Variants in MTA3 observed in about 807,000 individuals in gnomAD.
The protein encoded by MTA3 is metastasis-associated protein MTA3.
MTA3 carries 34 observed loss-of-function variants against 83.5 expected under a neutral mutation model. The ratio of observed to expected loss-of-function variants is 0.41; its 90% confidence interval spans 0.31 to 0.54. MTA3 has a LOEUF of 0.54. MTA3 is among the 20% of genes least tolerant of loss of function. The pLI is 0.33. For missense variants in MTA3, 761 were observed against 726.4 expected, an observed-to-expected ratio of 1.05 and a Z score of -0.55; for synonymous variants, 303 against 252.7, an observed-to-expected ratio of 1.20 and a Z score of -1.89.
chr2:42,723,479 A>G (rs1197532505), intron 16 of MTA3: 1 of 155,194 alleles, frequency 6.4e-6, no homozygotes, highest in Non-Finnish European at 1.4e-5. Flanking sequence ...AATGTTTTTA[A>G]TTGCTCAAGA....
chr2:42,525,623 C>CTTCCTTCCT (rs1553337698), intron 2 of MTA3, among the ~76,000 whole-genome samples: 3 of 138,752 alleles, frequency 2.2e-5, no homozygotes, highest in African/African-American at 8.1e-5. Flanking sequence ...TCCTTCCTTC[C>CTTCCTTCCT]TACTTTCTTT....
At chr2:42,555,769 A>G (rs1192233466) in intron 2 of MTA3, among the ~76,000 whole-genome samples, 1 of 151,460 alleles carries the variant, frequency 6.6e-6, no homozygotes, top group Non-Finnish European at 1.5e-5. Context: ...CTCCGTCTCA[A>G]AAAGAAAGAA....
chr2:42,726,873 A>C (rs1466237897), intron 16 of MTA3, among the ~76,000 whole-genome samples: 1 of 152,118 alleles, frequency 6.6e-6, no homozygotes, highest in Non-Finnish European at 1.5e-5. Context: ...AATCTAATAG[A>C]ATCTAAACTC....
At chr2:42,562,294 TG>T (rs1294712672) in intron 2 of MTA3, among the ~76,000 whole-genome samples, 1 of 152,120 alleles carries the variant, frequency 6.6e-6, no homozygotes, top group Non-Finnish European at 1.5e-5. Flanking sequence ...GCATGTCTTT[TG>T]GGGGGCCACC....
upstream of MTA3, among the ~76,000 whole-genome samples, chr2:42,564,637 T>C (rs1242817202): frequency 6.6e-6 from 1 of 152,182 alleles, no homozygotes; most frequent in Non-Finnish European, 1.5e-5. Context: ...AAATAAATCA[T>C]GGAAAACACG....
At chr2:42,544,968 C>T (rs550518850) in intron 2 of MTA3, among the ~76,000 whole-genome samples, 9 of 152,284 alleles carry the variant, frequency 5.9e-5, no homozygotes, top group Non-Finnish European at 1.3e-4. Flanking sequence ...CTTAAACAGC[C>T]CATTCTTTGA....
chr2:42,548,842 AT>A (rs1181461543), intron 2 of MTA3, among the ~76,000 whole-genome samples: 557 of 9,524 alleles, frequency 0.058, 57 homozygotes, highest in Non-Finnish European at 0.1. Flanking sequence ...ATATATATAT[AT>A]ATAATATATA....
chr2:42,636,440 G>A (rs1687201460), intron 4 of MTA3, among the ~76,000 whole-genome samples: 1 of 152,004 alleles, frequency 6.6e-6, no homozygotes, highest in Non-Finnish European at 1.5e-5. Flanking sequence ...TACTGGGGAG[G>A]CTGAGGTGGG....
intron 6 of MTA3, among the ~76,000 whole-genome samples, chr2:42,654,308 C>G (rs1688967874): frequency 6.6e-6 from 1 of 152,174 alleles, no homozygotes; most frequent in Non-Finnish European, 1.5e-5. Context: ...TGCTCCTATA[C>G]TAGGCGGCCC....
chr2:42,525,994 A>G (rs1275570777), intron 2 of MTA3, among the ~76,000 whole-genome samples: 2 of 151,976 alleles, frequency 1.3e-5, no homozygotes, highest in Admixed American at 1.3e-4. Flanking sequence ...TTTGCCAGAG[A>G]GAAAGAACCC....
intron 3 of MTA3, among the ~76,000 whole-genome samples, chr2:42,603,682 A>T (rs1445692724): frequency 6.6e-6 from 1 of 152,164 alleles, no homozygotes; most frequent in East Asian, 1.9e-4. Context: ...TTAAGGTAAG[A>T]TTTCTTTTGC....
Position 42,615,820 on chromosome 2 carries a change from A to G in MTA3, c.317+6236A>G, listed in dbSNP as rs1264233237. Among the ~76,000 whole-genome samples the G allele has an allele frequency of 5.2e-4, 69 of 132,766 alleles. 2 individuals carry two copies. 87.1% of individuals were successfully genotyped at this position (132,766 alleles called of 152,430 possible). A position where few individuals can be genotyped will look rare whatever the true frequency, so the allele number is the denominator to read the frequency against. Reference sequence around the variant, plus strand: ...ACTGCAAGCTCTGCCTCCCGGGTTCACGCCATTCTCCTGCCTGAATCTCCA... The same window carrying G: ...ACTGCAAGCTCTGCCTCCCGGGTTCGCGCCATTCTCCTGCCTGAATCTCCA... On this transcript the variant is annotated intron_variant, in intron 4 of 16. Transcript: ENST00000405094.
rs549206470 is a variant in MTA3 at position 42,676,718 on chromosome 2, A to T, written c.703-5683A>T. 2.0e-5 allele frequency among the ~76,000 whole-genome samples: 3 copies of T among 152,320 alleles called. No individual in the cohort carries two copies. The South Asian group carries it at 6.2e-4, about 32-fold the overall frequency. ...GAGGCAGATGTTGCAGTGAGCTGAG[A>T]TCATGCCACTGCACTCCAACCTGGG... is the stretch of plus-strand genomic sequence containing the variant. On this transcript the variant is annotated intron_variant, in intron 8 of 16. Coordinates refer to ENST00000405094, the MANE Select transcript of MTA3 (RefSeq NM_001330442.2).
intron 5 of MTA3, among the ~76,000 whole-genome samples, chr2:42,643,687 T>C (rs1175936968): frequency 6.6e-6 from 1 of 152,210 alleles, no homozygotes; most frequent in East Asian, 1.9e-4. Context: ...TTTAATCTTT[T>C]GACTAAAAGC....
intron 15 of MTA3, among the ~76,000 whole-genome samples, chr2:42,720,163 A>ATTTT (rs1667299440): frequency 6.7e-6 from 1 of 149,956 alleles, no homozygotes; most frequent in Non-Finnish European, 1.5e-5. Flanking sequence ...TGCTTTATTT[A>ATTTT]TTTATTTATT....
intron 10 of MTA3, among the ~76,000 whole-genome samples, chr2:42,697,323 C>T (rs1693477831): frequency 6.6e-6 from 1 of 152,172 alleles, no homozygotes; most frequent in African/African-American, 2.4e-5. Flanking sequence ...AGAATAGCCA[C>T]AGTCACTCCT....
chr2:42,528,924 G>A (rs966941918), intron 2 of MTA3, among the ~76,000 whole-genome samples: 1 of 152,156 alleles, frequency 6.6e-6, no homozygotes, highest in Non-Finnish European at 1.5e-5. Context: ...ACCCTGCAGC[G>A]TTTGCCTTAT....
upstream of MTA3, among the ~76,000 whole-genome samples, chr2:42,567,402 T>C (rs1012443515): frequency 7.2e-5 from 11 of 152,208 alleles, no homozygotes; most frequent in Non-Finnish European, 1.3e-4. Flanking sequence ...ACAAATGTCA[T>C]CACCAAACCA....
intron 9 of MTA3, among the ~76,000 whole-genome samples, chr2:42,695,274 T>G (rs1693279626): frequency 6.6e-6 from 1 of 152,200 alleles, no homozygotes; most frequent in Non-Finnish European, 1.5e-5. Context: ...GGATTAATTT[T>G]AAATTTCTCA....
Sources: gnomAD v4.1 joint callset for allele counts (sites outside exome capture counted in the v4.1 genomes callset) on GRCh38, gnomAD v4.1.1 for gene constraint, MANE v1.5 for transcripts, NCBI Gene and HGNC (gene_info 2026-07-23, HGNC 2026-07-21) for gene names.